The following HAVCR1 variants were observed in gnomAD, a reference collection of about 807,000 sequenced individuals.
HAVCR1 encodes the protein hepatitis A virus cellular receptor 1, also known as T cell immunoglobin domain and mucin domain protein 1.
A neutral mutation model predicts 32.0 loss-of-function variants in HAVCR1; 34 were observed. That is an observed-to-expected ratio of 1.06 (90% confidence interval 0.81 to 1.42). The LOEUF is 1.42. Ranked by LOEUF, HAVCR1 falls within the 40% of genes most tolerant of loss-of-function variation. The pLI is 0.00. For missense variants in HAVCR1, 420 were observed against 442.3 expected (o/e 0.95, Z 0.45); for synonymous variants, 178 against 170.3 (o/e 1.05, Z -0.35).
At chr5:157,037,153 T>C in intron 7 of HAVCR1, 94 bp downstream of exon 7, 1 of 752,978 alleles carries the variant, frequency 1.3e-6, no homozygotes, top group Non-Finnish European at 2.4e-6. Flanking sequence ...GGAAGTCGTG[T>C]GAAATCAAAA....
upstream of HAVCR1, among the ~76,000 whole-genome samples, chr5:157,063,042 C>A (rs1756521398): frequency 6.6e-6 from 1 of 150,530 alleles, no homozygotes; most frequent in South Asian, 2.1e-4. Flanking sequence ...ATCGCTTGAA[C>A]CTGGGAGGTG....
intron 6 of HAVCR1, among the ~76,000 whole-genome samples, chr5:157,040,298 C>CAAAAAA (rs67596524): frequency 7.0e-6 from 1 of 141,934 alleles, no homozygotes. Context: ...AACTCTGTCT[C>CAAAAAA]AAAAAAAAAA....
At chr5:157,065,004 G>A in the HAVCR1 span, among the ~76,000 whole-genome samples, 1 of 152,214 alleles carries the variant, frequency 6.6e-6, no homozygotes, top group Non-Finnish European at 1.5e-5. Flanking sequence ...GGAGGTCTGA[G>A]CTAAAGATAC....
intron 6 of HAVCR1, among the ~76,000 whole-genome samples, chr5:157,041,181 T>C (rs1367987123): frequency 6.6e-6 from 1 of 152,118 alleles, no homozygotes; most frequent in East Asian, 1.9e-4. Context: ...TCAAAGTTAT[T>C]ATCTAGGACT....
At chr5:157,037,224 G>C in intron 7 of HAVCR1, 23 bp downstream of exon 7, 1 of 1,218,192 alleles carries the variant, frequency 8.2e-7, no homozygotes, top group Non-Finnish European at 1.2e-6. Context: ...TTGTCCCTTA[G>C]GAACAATCTC....
At chr5:157,062,041 C>A (rs1040030053), upstream of HAVCR1, among the ~76,000 whole-genome samples, 11 of 152,152 alleles carry the variant, frequency 7.2e-5, no homozygotes, top group African/African-American at 2.7e-4. Context: ...AGCTATACAA[C>A]CTCCAGGGAT....
At chr5:157,048,968 GCT>G (rs1422561052) in intron 5 of HAVCR1, 68 bp downstream of exon 5, 2 of 878,734 alleles carry the variant, frequency 2.3e-6, no homozygotes, top group Non-Finnish European at 3.9e-6. Flanking sequence ...CAGAGCGTGT[GCT>G]CTCAACAAAG....
intron 3 of HAVCR1, 107 bp from the exon 4 acceptor site, chr5:157,052,761 A>AGTT: frequency 2.1e-6 from 2 of 934,298 alleles, no homozygotes; most frequent in Non-Finnish European, 3.4e-6. Flanking sequence ...CCCTAGGTGG[A>AGTT]GTTAACTTCC....
the HAVCR1 span, among the ~76,000 whole-genome samples, chr5:157,066,050 C>T: frequency 1.5e-5 from 1 of 67,222 alleles, no homozygotes; most frequent in Non-Finnish European, 2.6e-5. Flanking sequence ...AGCGAGACTC[C>T]GTCTTAAAAA....
Position 157,052,629 on chromosome 5 carries a change from G to A in HAVCR1, c.405C>T (p.Val135=). ...VPPKVTTTPI[V]TTVPTVTTVR... ...CAGTCGTGACGGTTGGAACAGTTGT[G>A]ACAATTGGAGTAGTCGTGACCTTGG... is the stretch of plus-strand genomic sequence containing the variant. The change falls in exon 4 of 9, where the codon GTC becomes GTT. Residue 135 remains valine, a synonymous_variant. Transcript: ENST00000523175. 6.2e-7 allele frequency: 1 copy of A among 1,614,104 alleles called. No homozygotes were observed. Among genetic ancestry groups the A allele is most frequent in the Non-Finnish European group, 8.5e-7 (1 of 1,179,956 alleles).
At chr5:157,054,916 G>T (rs1756019416) in intron 3 of HAVCR1, among the ~76,000 whole-genome samples, 1 of 152,168 alleles carries the variant, frequency 6.6e-6, no homozygotes, top group Non-Finnish European at 1.5e-5. Flanking sequence ...AGGGACTTGA[G>T]CATCTGCAGA....
Position 157,044,429 on chromosome 5 carries a change from A to G in HAVCR1, c.782-1747T>C, listed in dbSNP as rs1032190382. Among the ~76,000 whole-genome samples the G allele has an allele frequency of 4.3e-3, 118 of 27,190 alleles. 1 individual carries two copies. Among genetic ancestry groups the G allele is most frequent in the African/African-American group, 0.014 (78 of 5,400 alleles). The allele number at this position is 27,190 out of a possible 152,430, so 17.8% of individuals were successfully genotyped here. On this transcript the variant is annotated intron_variant, in intron 5 of 8. Coordinates refer to ENST00000523175, the MANE Select transcript of HAVCR1 (RefSeq NM_001173393.3). ...GGAAGGAAGGAAGGAAGGAGAAAGA[A>G]AGAAAGAAAGAAAGAAAGAAAGAAA...
intron 5 of HAVCR1, among the ~76,000 whole-genome samples, chr5:157,046,132 C>A (rs1365487611): frequency 2.0e-5 from 3 of 152,174 alleles, no homozygotes; most frequent in Non-Finnish European, 4.4e-5. Flanking sequence ...CACTGCAGGT[C>A]CATTTTAAAT....
At chr5:157,044,635 A>AAG (rs375938849) in intron 5 of HAVCR1, among the ~76,000 whole-genome samples, 243 of 64,722 alleles carry the variant, frequency 3.8e-3, no homozygotes, top group East Asian at 0.032. Flanking sequence ...GAAAGAAAGA[A>AAG]AGAAAGAAAG....
chr5:157,044,623 A>AAGAAAGAAAG (rs1561591235), intron 5 of HAVCR1, among the ~76,000 whole-genome samples: 53 of 53,280 alleles, frequency 9.9e-4, no homozygotes, highest in South Asian at 1.7e-3. Context: ...AAGAGAAAGA[A>AAGAAAGAAAG]AGAAAGAAAG....
intron 8 of HAVCR1, among the ~76,000 whole-genome samples, chr5:157,032,129 T>C (rs1754214292): frequency 6.6e-6 from 1 of 152,188 alleles, no homozygotes. Flanking sequence ...GCTTACATGG[T>C]TTTTGTCTGT....
At chr5:157,057,453 AAGAAAGAAAG>A (rs1377589815) in intron 2 of HAVCR1, among the ~76,000 whole-genome samples, 11 of 109,790 alleles carry the variant, frequency 1.0e-4, no homozygotes, top group East Asian at 8.1e-4. Flanking sequence ...GAAAGAAAGA[AAGAAAGAAAG>A]AGAATTGAAT....
At chr5:157,059,828 A>G (rs1162335001), upstream of HAVCR1, among the ~76,000 whole-genome samples, 1 of 140,450 alleles carries the variant, frequency 7.1e-6, no homozygotes, top group Non-Finnish European at 1.6e-5. Context: ...TGCAAAAAAA[A>G]CGAACAAAAA....
At chr5:157,036,083 CTGTAATCCTAGAACT>C (rs1297536090) in intron 7 of HAVCR1, among the ~76,000 whole-genome samples, 2 of 152,190 alleles carry the variant, frequency 1.3e-5, no homozygotes, top group African/African-American at 4.8e-5. Context: ...TGGCTCATGC[CTGTAATCCTAGAACT>C]TTGGGAGGCC....
Sources: allele counts gnomAD v4.1 joint callset (sites outside exome capture counted in the v4.1 genomes callset), GRCh38; gene constraint gnomAD v4.1.1; transcripts MANE v1.5; gene names NCBI Gene and HGNC (gene_info 2026-07-23, HGNC 2026-07-21).